WWOX: variants seen among roughly 807,000 people sequenced by gnomAD.
WWOX encodes the protein WW domain containing oxidoreductase.
Under a neutral mutation model 46.2 loss-of-function variants are expected in WWOX, and 69 were observed. That is an observed-to-expected ratio of 1.49 (90% CI 1.23 to 1.82). The LOEUF is 1.82. Ranked by LOEUF, WWOX falls within the 40% of genes most tolerant of loss-of-function variation. The pLI, the probability that WWOX is intolerant of heterozygous loss-of-function variation, is 0.00. For missense variants in WWOX, 919 were observed against 542.6 expected, an observed-to-expected ratio of 1.69 and a Z score of -6.89; for synonymous variants, 359 against 202.6, an observed-to-expected ratio of 1.77 and a Z score of -6.56.
chr16:78,454,667 G>A (rs946621518), intron 8 of WWOX, among the ~76,000 whole-genome samples: 1 of 143,190 alleles, frequency 7.0e-6, no homozygotes, highest in African/African-American at 2.9e-5. Flanking sequence ...CACCATACCT[G>A]GGGAATTTTT....
At chr16:78,805,016 G>C (rs1427486977) in intron 8 of WWOX, among the ~76,000 whole-genome samples, 3 of 152,226 alleles carry the variant, frequency 2.0e-5, no homozygotes, top group Non-Finnish European at 4.4e-5. Flanking sequence ...AGCTTTGCAT[G>C]AGCAAAATGC....
intron 8 of WWOX, among the ~76,000 whole-genome samples, chr16:79,082,648 A>G (rs2048782374): frequency 6.6e-6 from 1 of 152,276 alleles, no homozygotes; most frequent in Admixed American, 6.5e-5. Context: ...GTTACAGGCC[A>G]TTTAAGATCC....
At chr16:79,032,924 T>A (rs1353131765) in intron 8 of WWOX, among the ~76,000 whole-genome samples, 3 of 151,472 alleles carry the variant, frequency 2.0e-5, no homozygotes, top group Non-Finnish European at 4.4e-5. Context: ...CCTGCCACCC[T>A]CCACCCTTTG....
chr16:79,026,259 C>T (rs2047639332), intron 8 of WWOX, among the ~76,000 whole-genome samples: 1 of 151,730 alleles, frequency 6.6e-6, no homozygotes, highest in Non-Finnish European at 1.5e-5. Flanking sequence ...TTTAGTCACC[C>T]TACCCTCGGT....
At chr16:79,150,946 C>T (rs903514198) in intron 8 of WWOX, among the ~76,000 whole-genome samples, 1 of 152,204 alleles carries the variant, frequency 6.6e-6, no homozygotes, top group Admixed American at 6.5e-5. Context: ...ACTTTTTCAG[C>T]CTAGTTTATT....
chr16:79,156,972 G>T (rs544805408), intron 8 of WWOX, among the ~76,000 whole-genome samples: 3 of 152,332 alleles, frequency 2.0e-5, no homozygotes, highest in Admixed American at 2.0e-4. Context: ...GATGATTGTT[G>T]CAGATACCCT....
At chr16:78,803,044 G>A (rs1233012411) in intron 8 of WWOX, among the ~76,000 whole-genome samples, 1 of 150,942 alleles carries the variant, frequency 6.6e-6, no homozygotes, top group African/African-American at 2.4e-5. Flanking sequence ...GTGGCCAGTA[G>A]GTGCAAGAGT....
intron 8 of WWOX, among the ~76,000 whole-genome samples, chr16:78,856,733 AAT>A (rs2052575733): frequency 6.6e-6 from 1 of 152,224 alleles, no homozygotes; most frequent in African/African-American, 2.4e-5. Context: ...TATCTTATGA[AAT>A]AGAAATATAC....
intron 8 of WWOX, chr16:79,016,903 A>G (rs75788440): frequency 6.6e-6 from 1 of 152,108 alleles, no homozygotes; most frequent in East Asian, 1.9e-4. Context: ...ATGTTTTCCA[A>G]AATAGGACCT....
chr16:78,486,350 T>A (rs2151454865), intron 8 of WWOX, among the ~76,000 whole-genome samples: 1 of 152,328 alleles, frequency 6.6e-6, no homozygotes, highest in East Asian at 1.9e-4. Context: ...AATAGTCACA[T>A]CTACTAAGAT....
chr16:78,187,036 A>G (rs2035732456), intron 5 of WWOX, among the ~76,000 whole-genome samples: 1 of 152,174 alleles, frequency 6.6e-6, no homozygotes, highest in Admixed American at 6.5e-5. Flanking sequence ...ATGAAAAGTT[A>G]TAACATATAT....
chr16:78,951,720 G>C (rs563049263), intron 8 of WWOX, among the ~76,000 whole-genome samples: 9 of 152,286 alleles, frequency 5.9e-5, no homozygotes, highest in African/African-American at 2.2e-4. Flanking sequence ...AGGTGAGGGG[G>C]TTAAGAGGCC....
chr16:79,061,544 C>G (rs191042721), intron 8 of WWOX, among the ~76,000 whole-genome samples: 16 of 152,174 alleles, frequency 1.1e-4, no homozygotes, highest in Admixed American at 2.0e-4. Context: ...GATTTCTGGA[C>G]GAGAGTTAGT....
chr16:78,959,384 T>A (rs1347284004), intron 8 of WWOX, among the ~76,000 whole-genome samples: 1 of 152,246 alleles, frequency 6.6e-6, no homozygotes, highest in Non-Finnish European at 1.5e-5. Flanking sequence ...TGTCCATGTT[T>A]TGGAACTTGA....
chr16:79,117,018 G>C (rs2049529907), intron 8 of WWOX, among the ~76,000 whole-genome samples: 1 of 151,708 alleles, frequency 6.6e-6, no homozygotes, highest in African/African-American at 2.4e-5. Context: ...TTAGGTACGA[G>C]GTACATTGTC....
At chr16:79,089,423 C>T (rs1174340567) in intron 8 of WWOX, among the ~76,000 whole-genome samples, 2 of 151,528 alleles carry the variant, frequency 1.3e-5, no homozygotes, top group Admixed American at 1.3e-4. Flanking sequence ...CCTCCTCCTC[C>T]TGGGTTCAAG....
intron 8 of WWOX, among the ~76,000 whole-genome samples, chr16:78,543,266 T>C (rs1050667820): frequency 6.6e-6 from 1 of 152,202 alleles, no homozygotes; most frequent in African/African-American, 2.4e-5. Flanking sequence ...TCACGAGTCG[T>C]TTCCTCTTGG....
intron 8 of WWOX, among the ~76,000 whole-genome samples, chr16:78,451,045 T>G (rs984726809): frequency 3.3e-5 from 5 of 152,230 alleles, no homozygotes; most frequent in African/African-American, 1.2e-4. Flanking sequence ...GACTGTGGTT[T>G]GCTTTCCCGT....
chr16:78,866,505 C>G (rs182009948), intron 8 of WWOX, among the ~76,000 whole-genome samples: 2 of 151,874 alleles, frequency 1.3e-5, no homozygotes, highest in East Asian at 3.9e-4. Flanking sequence ...GTTAGTAAAA[C>G]GAAGAACAGT....
Sources: allele counts gnomAD v4.1 joint callset (sites outside exome capture counted in the v4.1 genomes callset), GRCh38; gene constraint gnomAD v4.1.1; transcripts MANE v1.5; gene names NCBI Gene and HGNC (gene_info 2026-07-23, HGNC 2026-07-21).